ZBTB20: variants seen among roughly 807,000 people sequenced by gnomAD.
ZBTB20 encodes zinc finger and BTB domain containing 20.
A neutral mutation model predicts 56.9 loss-of-function variants in ZBTB20; 9 were observed. That is an observed-to-expected ratio of 0.16 (90% CI 0.10 to 0.28). The LOEUF (loss-of-function observed/expected upper bound fraction) is 0.28, where lower values mean the gene tolerates loss of function less well. Ranked by LOEUF, ZBTB20 falls within the 10% of genes least tolerant of loss-of-function variation. The probability of loss-of-function intolerance (pLI) is 1.00; values close to 1 mark genes in which losing one functional copy is unlikely to be tolerated. For synonymous variants in ZBTB20, 417 were observed against 420.7 expected, an observed-to-expected ratio of 0.99 and a Z score of 0.11; for missense variants, 655 against 1,003.0, an observed-to-expected ratio of 0.65 and a Z score of 4.69.
At chr3:115,109,755 G>C (rs933987891) in intron 1 of ZBTB20, among the ~76,000 whole-genome samples, 1 of 152,246 alleles carries the variant, frequency 6.6e-6, no homozygotes, top group South Asian at 2.1e-4. Context: ...ATGTTCCCTA[G>C]ATAATTTCAG....
intron 1 of ZBTB20, among the ~76,000 whole-genome samples, chr3:115,105,387 G>T (rs1173267223): frequency 1.3e-5 from 2 of 152,122 alleles, no homozygotes; most frequent in Non-Finnish European, 2.9e-5. Context: ...ATAATGATAG[G>T]ATTTGAACCC....
At chr3:114,999,657 T>C (rs184372770) in intron 2 of ZBTB20, among the ~76,000 whole-genome samples, 2 of 151,794 alleles carry the variant, frequency 1.3e-5, no homozygotes, top group East Asian at 2.0e-4. Context: ...TATATATTTG[T>C]TATGTCAGGA....
intron 2 of ZBTB20, among the ~76,000 whole-genome samples, chr3:115,014,154 C>T (rs2079843753): frequency 6.6e-6 from 1 of 151,512 alleles, no homozygotes; most frequent in Non-Finnish European, 1.5e-5. Context: ...GTGAAATAAG[C>T]TAGGCACAGA....
At chr3:114,431,716 C>T (rs12695305) in intron 7 of ZBTB20, among the ~76,000 whole-genome samples, 128,436 of 152,050 alleles carry the variant, frequency 0.84, 55,390 homozygotes, top group Middle Eastern at 0.94. Flanking sequence ...AAAATATCTA[C>T]AGTGAGATCC....
intron 2 of ZBTB20, among the ~76,000 whole-genome samples, chr3:115,030,410 TG>T (rs922399410): frequency 1.3e-5 from 2 of 151,302 alleles, no homozygotes; most frequent in Non-Finnish European, 3.0e-5. Flanking sequence ...TCTGTTTACA[TG>T]TATTACTCCA....
At chr3:114,899,103 C>T (rs1359282006) in intron 4 of ZBTB20, among the ~76,000 whole-genome samples, 1 of 151,942 alleles carries the variant, frequency 6.6e-6, no homozygotes, top group African/African-American at 2.4e-5. Context: ...TGAAAAAATA[C>T]CAAGCATCTA....
chr3:115,097,569 A>C (rs973748352), intron 1 of ZBTB20, among the ~76,000 whole-genome samples: 3 of 152,144 alleles, frequency 2.0e-5, no homozygotes, highest in Non-Finnish European at 4.4e-5. Context: ...TGTTTTAGCT[A>C]CAGGGCATGG....
chr3:114,647,811 C>T (rs1189668269), intron 6 of ZBTB20, among the ~76,000 whole-genome samples: 1 of 152,080 alleles, frequency 6.6e-6, no homozygotes, highest in Non-Finnish European at 1.5e-5. Flanking sequence ...ATCCTGAGGG[C>T]ACTCAGTCTC....
At chr3:114,602,597 G>T (rs1276990201) in intron 6 of ZBTB20, among the ~76,000 whole-genome samples, 4 of 151,890 alleles carry the variant, frequency 2.6e-5, no homozygotes, top group Non-Finnish European at 4.4e-5. Flanking sequence ...TTAGGTCTTT[G>T]AAAACAAGGA....
intron 5 of ZBTB20, among the ~76,000 whole-genome samples, chr3:114,738,264 A>G (rs2066324050): frequency 6.6e-6 from 1 of 152,020 alleles, no homozygotes; most frequent in African/African-American, 2.4e-5. Flanking sequence ...TCATTGCCCA[A>G]TTTTTATTTT....
intron 4 of ZBTB20, among the ~76,000 whole-genome samples, chr3:114,839,251 C>T (rs530696190): frequency 1.3e-4 from 20 of 151,918 alleles, no homozygotes; most frequent in African/African-American, 4.8e-4. Context: ...AAATACAAAA[C>T]TGTGCTTGGT....
chr3:114,683,281 G>A (rs532925734), intron 6 of ZBTB20, among the ~76,000 whole-genome samples: 2 of 152,202 alleles, frequency 1.3e-5, no homozygotes, highest in South Asian at 4.2e-4. Context: ...TAGACACTGA[G>A]GTACAGAAAG....
chr3:114,576,464 T>C (rs981858642), intron 6 of ZBTB20, among the ~76,000 whole-genome samples: 1 of 115,528 alleles, frequency 8.7e-6, no homozygotes, highest in African/African-American at 3.3e-5. Context: ...ATCGCGCCGC[T>C]GCACTCCAGC....
intron 4 of ZBTB20, among the ~76,000 whole-genome samples, chr3:114,821,441 A>G (rs567499357): frequency 6.6e-6 from 1 of 152,158 alleles, no homozygotes; most frequent in South Asian, 2.1e-4. Context: ...GCCAACTCTA[A>G]ATACCTACTG....
At chr3:114,620,224 G>C (rs984990012) in intron 6 of ZBTB20, among the ~76,000 whole-genome samples, 1 of 152,152 alleles carries the variant, frequency 6.6e-6, no homozygotes, top group African/African-American at 2.4e-5. Flanking sequence ...TCTAATGTGG[G>C]AGTTAAGGAG....
chr3:114,506,184 G>C (rs1408650716), intron 6 of ZBTB20, among the ~76,000 whole-genome samples: 4 of 152,076 alleles, frequency 2.6e-5, no homozygotes, highest in Admixed American at 6.6e-5. Context: ...GTCTCAAGAA[G>C]AACAATAAGA....
intron 7 of ZBTB20, among the ~76,000 whole-genome samples, chr3:114,414,762 T>C (rs1363221001): frequency 6.8e-6 from 1 of 147,910 alleles, no homozygotes; most frequent in African/African-American, 2.4e-5. Context: ...AAATATAAAA[T>C]GCTATATGAT....
chr3:114,816,884 T>C (rs1227082938), intron 4 of ZBTB20, among the ~76,000 whole-genome samples: 1 of 152,158 alleles, frequency 6.6e-6, no homozygotes, highest in East Asian at 1.9e-4. Context: ...TCACCTTTGT[T>C]TGAGACAAAT....
At chr3:114,986,931 A>G (rs1241117607) in intron 2 of ZBTB20, among the ~76,000 whole-genome samples, 4 of 152,248 alleles carry the variant, frequency 2.6e-5, no homozygotes, top group Admixed American at 2.6e-4. Flanking sequence ...CCGTCTAATC[A>G]TGATAACCAA....
Sources: allele counts gnomAD v4.1 joint callset (sites outside exome capture counted in the v4.1 genomes callset), GRCh38; gene constraint gnomAD v4.1.1; transcripts MANE v1.5; gene names NCBI Gene and HGNC (gene_info 2026-07-23, HGNC 2026-07-21).